Variants in RCOR1 observed in about 807,000 individuals in gnomAD.
RCOR1 encodes the protein REST corepressor.
In RCOR1, 12 loss-of-function variants were observed where a neutral mutation model predicts 64.0. The ratio of observed to expected loss-of-function variants is 0.19; its 90% CI spans 0.12 to 0.30. The LOEUF (loss-of-function observed/expected upper bound fraction) is 0.30, where lower values mean the gene tolerates loss of function less well. Among genes scored for constraint, RCOR1 ranks in the 10% least tolerant of loss-of-function variants. The pLI, the probability that RCOR1 is intolerant of heterozygous loss-of-function variation, is 1.00. For missense variants in RCOR1, 502 were observed against 621.2 expected, an observed-to-expected ratio of 0.81 and a Z score of 2.04; for synonymous variants, 279 against 227.2, an observed-to-expected ratio of 1.23 and a Z score of -2.05.
chr14:102,721,151 G>A (rs1366184733), intron 9 of RCOR1, 67 bp downstream of exon 9: 56 of 1,077,864 alleles, frequency 5.2e-5, no homozygotes, highest in South Asian at 2.5e-4. Context: ...ATTTAATATC[G>A]GTGTGATACA....
intron 4 of RCOR1, among the ~76,000 whole-genome samples, chr14:102,706,136 A>AAAAAAAAAAAC (rs1567442106): frequency 6.7e-6 from 1 of 148,872 alleles, no homozygotes; most frequent in African/African-American, 2.5e-5. Flanking sequence ...AAAAAAAAAA[A>AAAAAAAAAAAC]AAAAAACCTA....
At chr14:102,724,053 C>T (rs1340143114) in intron 11 of RCOR1, among the ~76,000 whole-genome samples, 1 of 151,994 alleles carries the variant, frequency 6.6e-6, no homozygotes, top group Non-Finnish European at 1.5e-5. Flanking sequence ...TTGTTATTAG[C>T]CCAGAAGGTT....
chr14:102,614,983 C>T (rs1893724240), intron 2 of RCOR1, among the ~76,000 whole-genome samples: 1 of 151,896 alleles, frequency 6.6e-6, no homozygotes, highest in Non-Finnish European at 1.5e-5. Flanking sequence ...AGGCACGTGC[C>T]ACCATGCCCA....
intron 3 of RCOR1, among the ~76,000 whole-genome samples, chr14:102,689,146 T>C (rs1384495867): frequency 2.0e-5 from 3 of 152,198 alleles, no homozygotes; most frequent in Non-Finnish European, 4.4e-5. Flanking sequence ...GTTTAAAATA[T>C]ATGTAGAGTT....
intron 3 of RCOR1, among the ~76,000 whole-genome samples, chr14:102,689,736 C>G (rs1297987724): frequency 3.3e-5 from 5 of 152,074 alleles, no homozygotes; most frequent in Non-Finnish European, 7.4e-5. Flanking sequence ...GTTAGCTGTG[C>G]CAAAAACAAG....
chr14:102,646,164 G>A (rs1272616129), intron 2 of RCOR1, among the ~76,000 whole-genome samples: 1 of 152,172 alleles, frequency 6.6e-6, no homozygotes, highest in African/African-American at 2.4e-5. Flanking sequence ...CTAGAAAAAT[G>A]TAATCCACCA....
At chr14:102,601,592 A>C (rs1196366868) in intron 2 of RCOR1, among the ~76,000 whole-genome samples, 1 of 152,196 alleles carries the variant, frequency 6.6e-6, no homozygotes, top group Non-Finnish European at 1.5e-5. Context: ...ATGATTAATG[A>C]TTGATAGAGG....
At chr14:102,667,682 G>A (rs1436454676) in intron 2 of RCOR1, among the ~76,000 whole-genome samples, 1 of 152,096 alleles carries the variant, frequency 6.6e-6, no homozygotes, top group South Asian at 2.1e-4. Context: ...GTTGGAGAGC[G>A]ATGGATTTGA....
Position 102,681,355 on chromosome 14 carries a change from T to TCATCAG in RCOR1, c.362-540_362-539insCATCAG, listed in dbSNP as rs1318889316. ...TGTAATAGATGACAGCCGCTTGCGG[T>TCATCAG]TAATTCAGTAATACATGTCAGCTCC... On this transcript the variant is annotated intron_variant, in intron 2 of 11. Transcript: ENST00000262241. Among the ~76,000 whole-genome samples, 11 of 152,180 alleles carry TCATCAG rather than the reference T, an allele frequency of 7.2e-5. 1 individual carries two copies. Among genetic ancestry groups the TCATCAG allele is most frequent in the Admixed American group, 1.3e-4 (2 of 15,272 alleles).
At chr14:102,675,992 T>G (rs1380684225) in intron 2 of RCOR1, among the ~76,000 whole-genome samples, 1 of 152,128 alleles carries the variant, frequency 6.6e-6, no homozygotes, top group Non-Finnish European at 1.5e-5. Flanking sequence ...TACAGTTGGT[T>G]TATCCATTTA....
intron 5 of RCOR1, 132 bp downstream of exon 5, chr14:102,707,644 G>C: frequency 1.3e-6 from 1 of 775,524 alleles, no homozygotes; most frequent in South Asian, 1.8e-5. Context: ...TTTAGATTCA[G>C]CTTAGTACAT....
chr14:102,703,949 G>A (rs1326238784), intron 4 of RCOR1, among the ~76,000 whole-genome samples: 3 of 152,204 alleles, frequency 2.0e-5, no homozygotes, highest in Admixed American at 6.5e-5. Flanking sequence ...GGCATCTTAC[G>A]TTGGAGCTGC....
intron 2 of RCOR1, among the ~76,000 whole-genome samples, chr14:102,614,811 A>C (rs1047903651): frequency 6.6e-6 from 1 of 152,146 alleles, no homozygotes; most frequent in Admixed American, 6.6e-5. Context: ...ATAAAAAACA[A>C]AAATAAAAAT....
chr14:102,621,198 C>T (rs920074358), intron 2 of RCOR1, among the ~76,000 whole-genome samples: 1 of 152,076 alleles, frequency 6.6e-6, no homozygotes, highest in Non-Finnish European at 1.5e-5. Flanking sequence ...TCTTGAACTC[C>T]TGGCCTCAAG....
At chr14:102,646,310 A>AG (rs765484100) in intron 2 of RCOR1, among the ~76,000 whole-genome samples, 1 of 152,230 alleles carries the variant, frequency 6.6e-6, no homozygotes, top group Non-Finnish European at 1.5e-5. Flanking sequence ...TTAACAGTCA[A>AG]GGATTATCAG....
chr14:102,683,629 A>T (rs549992273), intron 3 of RCOR1, among the ~76,000 whole-genome samples: 5 of 152,222 alleles, frequency 3.3e-5, no homozygotes, highest in Non-Finnish European at 7.3e-5. Flanking sequence ...GAATCGGAGG[A>T]TGCTTTGGGC....
chr14:102,673,945 A>G (rs986053039), intron 2 of RCOR1, among the ~76,000 whole-genome samples: 1 of 152,096 alleles, frequency 6.6e-6, no homozygotes, highest in Non-Finnish European at 1.5e-5. Flanking sequence ...ATTTTCCTCT[A>G]TTTTTGTCCT....
intron 3 of RCOR1, among the ~76,000 whole-genome samples, chr14:102,687,980 T>C (rs10129838): frequency 0.23 from 34,397 of 149,820 alleles, 4,320 homozygotes; most frequent in East Asian, 0.37. Flanking sequence ...TTTTTTTTTT[T>C]TTTGAGATAG....
intron 2 of RCOR1, among the ~76,000 whole-genome samples, chr14:102,633,761 A>T (rs1200189623): frequency 6.6e-6 from 1 of 151,332 alleles, no homozygotes; most frequent in Non-Finnish European, 1.5e-5. Flanking sequence ...CTGGTCTCGA[A>T]CTCCTGACCT....
Sources: allele counts gnomAD v4.1 joint callset (sites outside exome capture counted in the v4.1 genomes callset), GRCh38; gene constraint gnomAD v4.1.1; transcripts MANE v1.5; gene names NCBI Gene and HGNC (gene_info 2026-07-23, HGNC 2026-07-21).